The following FRMD5 variants were observed in gnomAD, a reference collection of about 807,000 sequenced individuals.
The protein encoded by FRMD5 is FERM domain-containing protein 5.
FRMD5 carries 20 observed loss-of-function variants against 69.0 expected under a neutral mutation model. The observed-to-expected ratio is 0.29, with a 90% CI of 0.20 to 0.42. The LOEUF is 0.42. Ranked by LOEUF, FRMD5 falls within the 10% of genes least tolerant of loss-of-function variation. The pLI is 1.00. For missense variants in FRMD5, 595 were observed against 708.6 expected (o/e 0.84, Z 1.82); for synonymous variants, 271 against 260.1 (o/e 1.04, Z -0.40).
intron 1 of FRMD5, among the ~76,000 whole-genome samples, chr15:44,100,430 A>C (rs2076622346): frequency 6.6e-6 from 1 of 152,156 alleles, no homozygotes; most frequent in African/African-American, 2.4e-5. Flanking sequence ...TGGAATCCAC[A>C]GCACTATAAA....
chr15:44,186,527 C>T (rs76081093), intron 1 of FRMD5, among the ~76,000 whole-genome samples: 7 of 152,226 alleles, frequency 4.6e-5, no homozygotes, highest in Non-Finnish European at 7.3e-5. Flanking sequence ...TTTCCTGCTA[C>T]AAGTTCACTG....
At chr15:44,151,192 T>C (rs1566972659) in intron 1 of FRMD5, among the ~76,000 whole-genome samples, 1 of 150,888 alleles carries the variant, frequency 6.6e-6, no homozygotes, top group South Asian at 2.1e-4. Flanking sequence ...GATCAGGAGA[T>C]TGAGACCATC....
At chr15:44,131,102 G>A (rs990373398) in intron 1 of FRMD5, among the ~76,000 whole-genome samples, 1 of 152,070 alleles carries the variant, frequency 6.6e-6, no homozygotes, top group Non-Finnish European at 1.5e-5. Context: ...GCCAAGGTTA[G>A]TGCTATCCAC....
intron 1 of FRMD5, among the ~76,000 whole-genome samples, chr15:44,112,559 C>G (rs985805631): frequency 1.3e-5 from 2 of 151,862 alleles, no homozygotes; most frequent in African/African-American, 4.8e-5. Flanking sequence ...CTCCACCTCC[C>G]GGGTTCATGC....
intron 1 of FRMD5, among the ~76,000 whole-genome samples, chr15:44,036,490 A>C (rs1330054949): frequency 6.6e-6 from 1 of 152,212 alleles, no homozygotes; most frequent in Non-Finnish European, 1.5e-5. Context: ...TCAAATTCTC[A>C]TACTGCTATT....
chr15:43,973,055 C>A (rs941722711), intron 1 of FRMD5, among the ~76,000 whole-genome samples: 2 of 152,086 alleles, frequency 1.3e-5, no homozygotes, highest in African/African-American at 4.8e-5. Flanking sequence ...CGGAGTCTCG[C>A]TCTGTCCTCC....
chr15:43,972,201 T>A (rs2090391367), intron 1 of FRMD5, among the ~76,000 whole-genome samples: 1 of 151,298 alleles, frequency 6.6e-6, no homozygotes. Flanking sequence ...ATTAAGAGAG[T>A]TCATAGAGCA....
chr15:43,904,376 T>C (rs2089120935), intron 6 of FRMD5, among the ~76,000 whole-genome samples: 1 of 152,152 alleles, frequency 6.6e-6, no homozygotes, highest in Non-Finnish European at 1.5e-5. Context: ...TTTTTTTATT[T>C]TTAATTTTTT....
rs1491428406 is a variant in FRMD5 at position 43,875,805 on chromosome 15, T to TTTTTTTTG, written c.1136-1344_1136-1343insCAAAAAAA. On this transcript the variant is annotated intron_variant, in intron 13 of 13. Transcript: ENST00000417257. ...CTTGCCTTTGGTGTCCTGGGCCTAGTTTTTTTTTTTTTTTTTTTTTTTCTT... is the reference window on the plus strand; with the variant it reads ...CTTGCCTTTGGTGTCCTGGGCCTAGTTTTTTTTGTTTTTTTTTTTTTTTTTTTTTTCTT... 1.4e-3 allele frequency: 176 copies of TTTTTTTTG among 121,644 alleles called. 1 individual carries two copies. In the African/African-American group the frequency reaches 0.023, roughly 16 times the overall value. 7.5% of individuals were successfully genotyped at this position (121,644 alleles called of 1,614,324 possible). A position where few individuals can be genotyped will look rare whatever the true frequency, so the allele number is the denominator to read the frequency against.
intron 1 of FRMD5, among the ~76,000 whole-genome samples, chr15:43,974,325 T>C (rs2090432106): frequency 6.6e-6 from 1 of 152,138 alleles, no homozygotes; most frequent in Non-Finnish European, 1.5e-5. Context: ...ATTACAGAAA[T>C]TTCTGAATGC....
At chr15:43,999,013 G>A (rs953866206) in intron 1 of FRMD5, among the ~76,000 whole-genome samples, 2 of 152,124 alleles carry the variant, frequency 1.3e-5, no homozygotes, top group Admixed American at 6.6e-5. Context: ...ACAAACAGAC[G>A]ATAATTTCAT....
chr15:44,110,391 G>C (rs1253866606), intron 1 of FRMD5, among the ~76,000 whole-genome samples: 1 of 152,172 alleles, frequency 6.6e-6, no homozygotes, highest in Non-Finnish European at 1.5e-5. Context: ...TAAGTTTTCA[G>C]TTCATTTGGG....
At chr15:44,001,094 C>T (rs934132620) in intron 1 of FRMD5, among the ~76,000 whole-genome samples, 3 of 152,130 alleles carry the variant, frequency 2.0e-5, no homozygotes, top group African/African-American at 7.2e-5. Context: ...TTATAATAGC[C>T]ATTCTAACGT....
intron 1 of FRMD5, among the ~76,000 whole-genome samples, chr15:43,947,022 C>T (rs578116621): frequency 1.3e-5 from 2 of 152,332 alleles, no homozygotes; most frequent in African/African-American, 4.8e-5. Context: ...AATTCCCGTA[C>T]ACCTTGTCAA....
chr15:44,110,657 C>G (rs1214019497), intron 1 of FRMD5, among the ~76,000 whole-genome samples: 3 of 152,186 alleles, frequency 2.0e-5, no homozygotes, highest in East Asian at 1.9e-4. Flanking sequence ...TATAATCCAT[C>G]TCTAGCTTCA....
chr15:44,105,195 G>C (rs529713711), intron 1 of FRMD5, among the ~76,000 whole-genome samples: 101 of 150,948 alleles, frequency 6.7e-4, no homozygotes, highest in African/African-American at 2.3e-3. Flanking sequence ...TCTCACCTCA[G>C]CCTCTTGAGT....
intron 1 of FRMD5, among the ~76,000 whole-genome samples, chr15:43,988,064 G>A (rs957159218): frequency 3.9e-5 from 6 of 152,118 alleles, no homozygotes; most frequent in Non-Finnish European, 7.4e-5. Context: ...ATGCTCCTAT[G>A]AGAATCTAAT....
At chr15:44,139,917 T>G (rs1469626037) in intron 1 of FRMD5, among the ~76,000 whole-genome samples, 1 of 152,066 alleles carries the variant, frequency 6.6e-6, no homozygotes, top group African/African-American at 2.4e-5. Context: ...AATACTGTGT[T>G]ACCAGAAACT....
intron 1 of FRMD5, among the ~76,000 whole-genome samples, chr15:43,970,269 C>G (rs540270764): frequency 6.6e-6 from 1 of 152,346 alleles, no homozygotes; most frequent in East Asian, 1.9e-4. Flanking sequence ...ACAATTTACT[C>G]TTGTTAACTG....
Sources: allele counts gnomAD v4.1 joint callset (sites outside exome capture counted in the v4.1 genomes callset), GRCh38; gene constraint gnomAD v4.1.1; transcripts MANE v1.5; gene names NCBI Gene and HGNC (gene_info 2026-07-23, HGNC 2026-07-21).